Variants in IDE observed in about 807,000 individuals in gnomAD.
The protein encoded by IDE is insulin-degrading enzyme.
In IDE, 58 loss-of-function variants were observed where a neutral mutation model predicts 133.2. The observed-to-expected ratio is 0.44, with a 90% CI of 0.35 to 0.54. The LOEUF is 0.54. Ranked by LOEUF, IDE falls within the 20% of genes least tolerant of loss-of-function variation. The pLI is 0.00. For synonymous variants in IDE, 396 were observed against 421.3 expected (o/e 0.94, Z 0.73); for missense variants, 981 against 1,234.0 (o/e 0.79, Z 3.07).
At chr10:92,521,547 A>G (rs2135596153) in intron 4 of IDE, among the ~76,000 whole-genome samples, 1 of 152,276 alleles carries the variant, frequency 6.6e-6, no homozygotes, top group African/African-American at 2.4e-5. Flanking sequence ...TAAAAGACAT[A>G]TCAGACTGGA....
intron 2 of IDE, among the ~76,000 whole-genome samples, chr10:92,535,754 G>A (rs1008439983): frequency 6.6e-6 from 1 of 152,040 alleles, no homozygotes; most frequent in Non-Finnish European, 1.5e-5. Context: ...AAAGCAACTC[G>A]GCCAGGCACA....
chr10:92,515,560 CTTTTTTT>C (rs770666032), intron 4 of IDE, among the ~76,000 whole-genome samples: 3 of 106,738 alleles, frequency 2.8e-5, no homozygotes, highest in African/African-American at 6.9e-5. Context: ...CGCACCCGGC[CTTTTTTT>C]TTTTTTTTTT....
chr10:92,477,486 T>A (rs1308017305), intron 15 of IDE, among the ~76,000 whole-genome samples: 1 of 152,234 alleles, frequency 6.6e-6, no homozygotes, highest in East Asian at 1.9e-4. Flanking sequence ...TGTCTCTAAA[T>A]GCCTAACATT....
At chr10:92,471,826 G>A (rs1845983445) in intron 17 of IDE, among the ~76,000 whole-genome samples, 1 of 152,180 alleles carries the variant, frequency 6.6e-6, no homozygotes, top group Non-Finnish European at 1.5e-5. Flanking sequence ...AGCCTCTTGA[G>A]TAGCTAGGAA....
At chr10:92,541,170 G>A (rs1332762924) in intron 1 of IDE, 1 of 283,998 alleles carries the variant, frequency 3.5e-6, no homozygotes, top group Non-Finnish European at 7.3e-6. Context: ...TCTTGAGGAA[G>A]TAAAACCCAA....
intron 1 of IDE, among the ~76,000 whole-genome samples, chr10:92,566,205 A>C (rs1253798985): frequency 1.3e-5 from 2 of 151,740 alleles, no homozygotes; most frequent in Non-Finnish European, 2.9e-5. Context: ...AAAAAAAAAA[A>C]AACTCCAAAA....
intron 4 of IDE, among the ~76,000 whole-genome samples, chr10:92,527,259 T>A (rs1034224311): frequency 2.6e-5 from 4 of 152,176 alleles, no homozygotes; most frequent in Non-Finnish European, 5.9e-5. Context: ...ATATCAAGTT[T>A]CCATATGTTT....
intron 1 of IDE, among the ~76,000 whole-genome samples, chr10:92,563,679 CA>C (rs1333389813): frequency 6.6e-6 from 1 of 151,202 alleles, no homozygotes; most frequent in African/African-American, 2.4e-5. Context: ...CAACCTGGGG[CA>C]GGGGGCAGAG....
intron 12 of IDE, among the ~76,000 whole-genome samples, chr10:92,487,965 T>G (rs1022004734): frequency 6.6e-6 from 1 of 151,496 alleles, no homozygotes; most frequent in Non-Finnish European, 1.5e-5. Flanking sequence ...CCCGACTAAT[T>G]TTCGTATTTT....
At chr10:92,487,097 C>A (rs1847041410) in intron 13 of IDE, 99 bp downstream of exon 13, 2 of 1,182,752 alleles carry the variant, frequency 1.7e-6, no homozygotes, top group Non-Finnish European at 2.4e-6. Context: ...GTGAGCCTCC[C>A]CAAATCAACA....
Position 92,524,369 on chromosome 10 carries a change from TA to T in IDE, c.661+7378del, listed in dbSNP as rs1435866992. On this transcript the variant is annotated intron_variant, in intron 4 of 24. Transcript: ENST00000265986. Reference sequence around the variant, plus strand: ...ATATATAATATATTTTATATTATAATATATATTATATATAATATATTTTATA... The same window carrying T: ...ATATATAATATATTTTATATTATAATTATATTATATATAATATATTTTATA... Among the ~76,000 whole-genome samples the T allele has an allele frequency of 5.8e-4, 14 of 24,194 alleles. 1 individual carries two copies. The highest frequency in any genetic ancestry group is 4.3e-3 in the East Asian group (2 of 470). 15.9% of individuals were successfully genotyped at this position (24,194 alleles called of 152,430 possible). A position where few individuals can be genotyped will look rare whatever the true frequency, so the allele number is the denominator to read the frequency against.
At chr10:92,561,091 C>T (rs920672229) in intron 1 of IDE, among the ~76,000 whole-genome samples, 2 of 151,216 alleles carry the variant, frequency 1.3e-5, no homozygotes, top group African/African-American at 4.9e-5. Flanking sequence ...TGTCTTTCTA[C>T]TAAAAAAATA....
intron 17 of IDE, among the ~76,000 whole-genome samples, chr10:92,473,171 C>T (rs987863156): frequency 2.0e-5 from 3 of 151,952 alleles, no homozygotes; most frequent in Non-Finnish European, 4.4e-5. Context: ...ACCTCGTGAT[C>T]CGCCTGCCTC....
At chr10:92,465,548 T>C in intron 20 of IDE, 128 bp downstream of exon 20, 1 of 778,484 alleles carries the variant, frequency 1.3e-6, no homozygotes, top group Admixed American at 2.4e-5. Context: ...GTAATAAGGT[T>C]TTCTCAAGTC....
Position 92,564,671 on chromosome 10 carries a change from C to CAA in IDE, c.98+9249_98+9250dup, listed in dbSNP as rs532861372. Among the ~76,000 whole-genome samples, 159 of 31,584 alleles carry CAA rather than the reference C, an allele frequency of 5.0e-3. 41 individuals are homozygous for CAA. The highest frequency in any genetic ancestry group is 8.0e-3 in the Non-Finnish European group (131 of 16,298). 20.7% of individuals were successfully genotyped at this position (31,584 alleles called of 152,430 possible). On this transcript the variant is annotated intron_variant, in intron 1 of 24. Transcript: ENST00000265986. ...CCTGGGCGATAAAGCGAGACTGTCT[C>CAA]AAAAAAAAAAAAAAAAAAAAAAAAA...
intron 22 of IDE, among the ~76,000 whole-genome samples, chr10:92,458,964 T>A (rs1162315374): frequency 6.6e-6 from 1 of 152,182 alleles, no homozygotes; most frequent in Non-Finnish European, 1.5e-5. Context: ...TTTTCCTCTA[T>A]ACAATGCAAA....
chr10:92,535,485 T>C (rs1841949948), intron 2 of IDE, among the ~76,000 whole-genome samples: 1 of 151,016 alleles, frequency 6.6e-6, no homozygotes, highest in Middle Eastern at 3.2e-3. Flanking sequence ...GGGTTACCAC[T>C]CTACTGGCTG....
rs537312027 is a variant in IDE, at chr10:92,464,177, G to A, written c.2489-174C>T. ...GGTTTCAGTTCCTAAGGACAGAGCA[G>A]AAGAGCTCTCTGAAGAATTACAAAG... On this transcript the variant is annotated intron_variant, in intron 20 of 24. Coordinates refer to ENST00000265986, the MANE Select transcript of IDE (RefSeq NM_004969.4). Among the ~76,000 whole-genome samples, 5 of 152,322 alleles carry A rather than the reference G, an allele frequency of 3.3e-5. No homozygotes were observed. In the East Asian group the frequency reaches 9.6e-4, roughly 29 times the overall value.
At chr10:92,470,423 G>A in intron 17 of IDE, 78 bp from the exon 18 acceptor site, 1 of 869,214 alleles carries the variant, frequency 1.2e-6, no homozygotes, top group Non-Finnish European at 1.8e-6. Context: ...ACTTACAGAA[G>A]ACTTGCAAAA....
Sources: gnomAD v4.1 joint callset for allele counts (sites outside exome capture counted in the v4.1 genomes callset) on GRCh38, gnomAD v4.1.1 for gene constraint, MANE v1.5 for transcripts, NCBI Gene and HGNC (gene_info 2026-07-23, HGNC 2026-07-21) for gene names.